Variants in CPLX2 observed in about 807,000 individuals in gnomAD.
CPLX2 encodes complexin 2.
A neutral mutation model predicts 16.3 loss-of-function variants in CPLX2; 5 were observed. That is an observed-to-expected ratio of 0.31 (90% CI 0.16 to 0.64). The LOEUF (loss-of-function observed/expected upper bound fraction) is 0.64. Ranked by LOEUF, CPLX2 falls within the 30% of genes least tolerant of loss-of-function variation. The pLI is 0.79. For missense variants in CPLX2, 144 were observed against 181.4 expected (o/e 0.79, Z 1.18); for synonymous variants, 89 against 73.2 (o/e 1.22, Z -1.10).
intron 2 of CPLX2, among the ~76,000 whole-genome samples, chr5:175,847,576 T>A (rs1759070589): frequency 6.6e-6 from 1 of 152,222 alleles, no homozygotes; most frequent in African/African-American, 2.4e-5. Flanking sequence ...CCAGGAACCT[T>A]GCCTGAGCCT....
At chr5:175,818,704 T>C (rs985047515) in intron 2 of CPLX2, among the ~76,000 whole-genome samples, 1 of 121,290 alleles carries the variant, frequency 8.2e-6, no homozygotes, top group South Asian at 3.1e-4. Context: ...CTCTGTCACC[T>C]GGGCTGGAGT....
chr5:175,821,406 CCTTTTT>C (rs1372802384), intron 2 of CPLX2, among the ~76,000 whole-genome samples: 1 of 152,062 alleles, frequency 6.6e-6, no homozygotes, highest in African/African-American at 2.4e-5. Context: ...TCCTTCTTTT[CCTTTTT>C]CTTTTTTTTC....
In CPLX2 at chr5:175,872,152, G is replaced by GCC. The variant is rs1759641020; in HGVS notation, c.-89+450_-89+451dup. ...CCCGAAGCCCGCCGGAGCACGCTTCGCCCCGGAGGAGGGAGTCGCCCCCAG... is the reference window on the plus strand; with the variant it reads ...CCCGAAGCCCGCCGGAGCACGCTTCGCCCCCCGGAGGAGGGAGTCGCCCCCAG... On this transcript the variant is annotated intron_variant, in intron 1 of 3. Coordinates refer to ENST00000393745, the MANE Select transcript of CPLX2 (RefSeq NM_001008220.2). This position sits in a 1 kb window ranked among gnomAD's most constrained non-coding sequence, Gnocchi z 5.0. 1 of 152,252 alleles carries GCC rather than the reference G, an allele frequency of 6.6e-6. No individual in the cohort carries two copies. Among genetic ancestry groups the GCC allele is most frequent in the Non-Finnish European group, 1.5e-5 (1 of 68,078 alleles). The allele number at this position is 152,252 out of a possible 1,614,324, so 9.4% of individuals were successfully genotyped here.
chr5:175,819,581 A>G (rs1758470705), intron 2 of CPLX2, among the ~76,000 whole-genome samples: 1 of 152,194 alleles, frequency 6.6e-6, no homozygotes, highest in Admixed American at 6.5e-5. Context: ...GGGAGGGTCA[A>G]GGGCCGCCTT....
In CPLX2 at chr5:175,849,388, A is replaced by G. The variant is rs1759109685; in HGVS notation, c.-88-29264A>G. On this transcript the variant is annotated intron_variant, in intron 2 of 4. Coordinates refer to the CPLX2 transcript ENST00000359546. The surrounding 1 kb of genome is among the most constrained non-coding windows in gnomAD (Gnocchi z 4.4). ...TACTTTCCTGGGACTGATGTCACAA[A>G]GAACCAGAATCTTCCTTAGGCCAAG... Among the ~76,000 whole-genome samples, 1 of 152,210 alleles carries G rather than the reference A, an allele frequency of 6.6e-6. No individual in the cohort carries two copies. The highest frequency in any genetic ancestry group is 1.5e-5 in the Non-Finnish European group (1 of 68,040).
rs148102587 is a variant in CPLX2 at position 175,816,703 on chromosome 5, G to A, written c.-89+7635G>A. ...AGGCAGCCAGGAACCAGAGGTGCTC[G>A]AGACACAGAAACTTGCCAGCATCAC... is the stretch of plus-strand genomic sequence containing the variant. On this transcript the variant is annotated intron_variant, in intron 2 of 4. Transcript: ENST00000359546. 2.3e-4 allele frequency among the ~76,000 whole-genome samples: 35 copies of A among 152,334 alleles called. No homozygotes were observed. In the East Asian group the frequency reaches 5.0e-3, roughly 22 times the overall value.
chr5:175,822,012 CGT>C (rs1478929685), intron 2 of CPLX2, among the ~76,000 whole-genome samples: 1 of 152,146 alleles, frequency 6.6e-6, no homozygotes, highest in Non-Finnish European at 1.5e-5. Flanking sequence ...TGCAATGAAA[CGT>C]GGGCTGACTC....
At chr5:175,879,142 G>C in intron 3 of CPLX2, 59 bp downstream of exon 3, 1 of 1,499,824 alleles carries the variant, frequency 6.7e-7, no homozygotes, top group South Asian at 1.3e-5. Context: ...AACCGGTCCA[G>C]CTAAAGCCCC....
intron 2 of CPLX2, among the ~76,000 whole-genome samples, chr5:175,861,916 G>A (rs1191588920): frequency 6.6e-6 from 1 of 152,162 alleles, no homozygotes; most frequent in Non-Finnish European, 1.5e-5. Flanking sequence ...GGGCCACCTG[G>A]GTGTCTGGGG....
intron 1 of CPLX2, among the ~76,000 whole-genome samples, chr5:175,801,267 C>T (rs1486423954): frequency 6.6e-6 from 1 of 151,776 alleles, no homozygotes; most frequent in Non-Finnish European, 1.5e-5. Flanking sequence ...GGGTGAGACA[C>T]AGCCTCTCCC....
intron 2 of CPLX2, among the ~76,000 whole-genome samples, chr5:175,812,346 C>T (rs1450701211): frequency 2.6e-5 from 4 of 152,174 alleles, no homozygotes; most frequent in Non-Finnish European, 4.4e-5. Context: ...GCTGCTCACA[C>T]GCTTACTGCA....
At chr5:175,860,581 GGGAGGGAAGGAAGGAAGGAAGGAA>G (rs1759352447) in intron 2 of CPLX2, among the ~76,000 whole-genome samples, 1 of 78,528 alleles carries the variant, frequency 1.3e-5, no homozygotes, top group Non-Finnish European at 2.7e-5. Context: ...GAGGGAGGGA[GGGAGGGAAGGAAGGAAGGAAGGAA>G]GGAAGGAAGG....
chr5:175,843,097 G>T (rs901095177), intron 2 of CPLX2, among the ~76,000 whole-genome samples: 2 of 152,188 alleles, frequency 1.3e-5, no homozygotes, highest in African/African-American at 4.8e-5. Flanking sequence ...AGCCAGTCAG[G>T]GTCAGCGGGT....
At chr5:175,826,382 C>T (rs145060326) in intron 2 of CPLX2, among the ~76,000 whole-genome samples, 10 of 152,178 alleles carry the variant, frequency 6.6e-5, no homozygotes, top group African/African-American at 1.9e-4. Flanking sequence ...GCCAGATGTT[C>T]GAAGGCCTTG....
rs1173839121 is a variant in CPLX2, at chr5:175,830,622, T to C, written c.-89+21554T>C. Among the ~76,000 whole-genome samples, 1 of 152,350 alleles carries C rather than the reference T, an allele frequency of 6.6e-6. No individual in the cohort carries two copies. Among genetic ancestry groups the C allele is most frequent in the Admixed American group, 6.5e-5 (1 of 15,312 alleles). ...TTCGAGGGACCCTCATACATAGCTCTGCAGGCAGGCAAGGGATGAGCACAA... is the reference window on the plus strand; with the variant it reads ...TTCGAGGGACCCTCATACATAGCTCCGCAGGCAGGCAAGGGATGAGCACAA... On this transcript the variant is annotated intron_variant, in intron 2 of 4. Coordinates refer to the CPLX2 transcript ENST00000359546. This position sits in a 1 kb window ranked among gnomAD's most constrained non-coding sequence, Gnocchi z 4.0.
intron 1 of CPLX2, 44 bp from the exon 2 acceptor site, chr5:175,878,608 T>C: frequency 9.9e-7 from 1 of 1,005,874 alleles, no homozygotes; most frequent in Non-Finnish European, 1.5e-6. Flanking sequence ...CCGCCCTGCC[T>C]GTGCAGAGGC....
At chr5:175,871,458 A>AGAGAGG (rs1554122148), upstream of CPLX2, 29 of 79,962 alleles carry the variant, frequency 3.6e-4, 2 homozygotes, top group Non-Finnish European at 7.0e-4. Context: ...AGAGAGAGAG[A>AGAGAGG]GAGAGAGAGA....
upstream of CPLX2, among the ~76,000 whole-genome samples, chr5:175,870,996 C>A (rs560044408): frequency 6.6e-6 from 1 of 152,128 alleles, no homozygotes; most frequent in South Asian, 2.1e-4. Context: ...AGTCCTGGAG[C>A]TGCTCACAGG....
chr5:175,820,910 G>A (rs1300193972), intron 2 of CPLX2, among the ~76,000 whole-genome samples: 1 of 152,184 alleles, frequency 6.6e-6, no homozygotes, highest in African/African-American at 2.4e-5. Flanking sequence ...AACAGAGAGG[G>A]ACAGGCAGTC....
Sources: gnomAD v4.1 joint callset for allele counts (sites outside exome capture counted in the v4.1 genomes callset) on GRCh38, gnomAD v4.1.1 for gene constraint, Gnocchi (gnomAD v3.1) non-coding constraint, MANE v1.5 for transcripts, NCBI Gene and HGNC (gene_info 2026-07-23, HGNC 2026-07-21) for gene names.